The following RNLS variants were observed in gnomAD, a reference collection of about 807,000 sequenced individuals.
RNLS encodes renalase, FAD dependent amine oxidase, also known as renalase.
In RNLS, 39 loss-of-function variants were observed where a neutral mutation model predicts 39.8. That is an observed-to-expected ratio of 0.98 (90% CI 0.76 to 1.28). The LOEUF is 1.28. RNLS is among the 50% of genes most tolerant of loss of function. RNLS has a pLI of 0.00. For synonymous variants in RNLS, 147 were observed against 150.7 expected (o/e 0.98, Z 0.18); for missense variants, 410 against 413.3 (o/e 0.99, Z 0.07).
intron 5 of RNLS, among the ~76,000 whole-genome samples, chr10:88,355,011 A>G (rs1398514530): frequency 6.6e-6 from 1 of 152,202 alleles, no homozygotes; most frequent in African/African-American, 2.4e-5. Context: ...TGAATCGGCT[A>G]CTGAAGCTTG....
At chr10:88,263,741 T>A in the RNLS span, among the ~76,000 whole-genome samples, 1 of 152,184 alleles carries the variant, frequency 6.6e-6, no homozygotes. Flanking sequence ...TAGGTTACTT[T>A]AGGCAGATGA....
rs192602339 is a variant in RNLS, at chr10:88,327,987, C to A, written c.701-13346G>T. On this transcript the variant is annotated intron_variant, in intron 5 of 6. Coordinates refer to ENST00000331772, the MANE Select transcript of RNLS (RefSeq NM_001031709.3). ...GCAGTGGCACAATCTTGGCTCACTGCAACCTCTGCCTCCCAGGTTCAAGTG... is the reference window on the plus strand; with the variant it reads ...GCAGTGGCACAATCTTGGCTCACTGAAACCTCTGCCTCCCAGGTTCAAGTG... Among the ~76,000 whole-genome samples the A allele has an allele frequency of 1.6e-4, 24 of 152,328 alleles. No individual in the cohort carries two copies. In the East Asian group the frequency reaches 4.1e-3, roughly 26 times the overall value.
In RNLS at chr10:88,285,349, A is replaced by G; in HGVS notation, c.*5T>C. On this transcript the variant is annotated 3_prime_UTR_variant, in exon 7 of 7. Coordinates refer to ENST00000331772, the MANE Select transcript of RNLS (RefSeq NM_001031709.3). The stretch of plus-strand genomic sequence containing the variant: ...ATACACATGTAGAGAATAAGGATAT[A>G]GGCACTAAATATAATTCTTTAAAGC... The G allele has an allele frequency of 6.2e-7, 1 of 1,609,076 alleles. No homozygotes were observed. Among genetic ancestry groups the G allele is most frequent in the Non-Finnish European group, 8.5e-7 (1 of 1,176,520 alleles).
At chr10:88,273,054 C>T (rs929011464), downstream of RNLS, among the ~76,000 whole-genome samples, 23 of 152,212 alleles carry the variant, frequency 1.5e-4, no homozygotes, top group African/African-American at 5.3e-4. Flanking sequence ...CCTCTCCCCA[C>T]TGTGGATCAC....
At chr10:88,182,059 G>A in the RNLS span, among the ~76,000 whole-genome samples, 2 of 152,104 alleles carry the variant, frequency 1.3e-5, no homozygotes, top group Non-Finnish European at 2.9e-5. Context: ...GTGTGGGGTA[G>A]GTCAAATATC....
At chr10:88,417,696 C>T (rs188036506) in intron 4 of RNLS, among the ~76,000 whole-genome samples, 78 of 152,290 alleles carry the variant, frequency 5.1e-4, no homozygotes, top group African/African-American at 1.8e-3. Context: ...ATGCCAAGGA[C>T]TTTAGCCATA....
At chr10:88,334,672 G>A (rs956027644) in intron 5 of RNLS, among the ~76,000 whole-genome samples, 5 of 152,158 alleles carry the variant, frequency 3.3e-5, no homozygotes, top group African/African-American at 9.7e-5. Flanking sequence ...CCTCTAGATT[G>A]AGGGGTACCT....
intron 5 of RNLS, among the ~76,000 whole-genome samples, chr10:88,332,392 G>A (rs935883543): frequency 3.3e-5 from 5 of 152,266 alleles, no homozygotes; most frequent in African/African-American, 1.2e-4. Context: ...TTTACTCACA[G>A]TCCTTCCCTT....
intron 4 of RNLS, among the ~76,000 whole-genome samples, chr10:88,483,899 A>T (rs1844344715): frequency 6.6e-6 from 1 of 152,128 alleles, no homozygotes; most frequent in Non-Finnish European, 1.5e-5. Flanking sequence ...AAAATTATTT[A>T]GTGAATATAA....
At chr10:88,208,470 G>A in the RNLS span, among the ~76,000 whole-genome samples, 3 of 152,136 alleles carry the variant, frequency 2.0e-5, no homozygotes, top group Non-Finnish European at 4.4e-5. Context: ...TTACTAAAGA[G>A]TAATCCCCTA....
chr10:88,399,745 A>G (rs1024842590), intron 4 of RNLS, among the ~76,000 whole-genome samples: 2 of 152,038 alleles, frequency 1.3e-5, no homozygotes, highest in Admixed American at 6.6e-5. Context: ...ATGGTATGTG[A>G]ATTATATCCC....
intron 3 of RNLS, among the ~76,000 whole-genome samples, chr10:88,575,339 T>A (rs1289493254): frequency 6.6e-6 from 1 of 151,066 alleles, no homozygotes; most frequent in Non-Finnish European, 1.5e-5. Flanking sequence ...GCAGCACCTA[T>A]GTACTAGAAA....
chr10:88,232,687 G>A, the RNLS span, among the ~76,000 whole-genome samples: 4 of 152,348 alleles, frequency 2.6e-5, no homozygotes, highest in African/African-American at 7.2e-5. Flanking sequence ...TGGCCAGTCT[G>A]CCAGCCTGCT....
At chr10:88,319,803 A>G (rs1476703376) in intron 5 of RNLS, among the ~76,000 whole-genome samples, 1 of 152,148 alleles carries the variant, frequency 6.6e-6, no homozygotes, top group East Asian at 1.9e-4. Flanking sequence ...GTGAACAAAC[A>G]TACAACTGGT....
chr10:88,375,500 A>G (rs1176286587), intron 4 of RNLS, among the ~76,000 whole-genome samples: 1 of 152,180 alleles, frequency 6.6e-6, no homozygotes, highest in Non-Finnish European at 1.5e-5. Flanking sequence ...TATTGTATCA[A>G]TGATAAACTT....
the RNLS span, among the ~76,000 whole-genome samples, chr10:88,233,821 G>T: frequency 6.6e-6 from 1 of 152,000 alleles, no homozygotes; most frequent in Admixed American, 6.5e-5. Flanking sequence ...GCATGCTTAT[G>T]CATGCTCTAT....
At chr10:88,554,532 C>T (rs1375572658) in intron 4 of RNLS, among the ~76,000 whole-genome samples, 1 of 152,036 alleles carries the variant, frequency 6.6e-6, no homozygotes, top group Non-Finnish European at 1.5e-5. Context: ...CACTTCCCCT[C>T]TCTCTACAAA....
At chr10:88,224,887 C>T in the RNLS span, among the ~76,000 whole-genome samples, 2 of 152,184 alleles carry the variant, frequency 1.3e-5, no homozygotes, top group Non-Finnish European at 2.9e-5. Context: ...TCCCCAACCA[C>T]TCCTATGAGA....
At chr10:88,173,918 C>A in the RNLS span, among the ~76,000 whole-genome samples, 1 of 151,854 alleles carries the variant, frequency 6.6e-6, no homozygotes, top group Non-Finnish European at 1.5e-5. Context: ...CACACTGAAC[C>A]CAGTTTGAAT....
Sources: gnomAD v4.1 joint callset for allele counts (sites outside exome capture counted in the v4.1 genomes callset) on GRCh38, gnomAD v4.1.1 for gene constraint, MANE v1.5 for transcripts, NCBI Gene and HGNC (gene_info 2026-07-23, HGNC 2026-07-21) for gene names.